FOLH1: variants seen among roughly 807,000 people sequenced by gnomAD.
The protein encoded by FOLH1 is folate hydrolase 1.
Under a neutral mutation model 93.9 loss-of-function variants are expected in FOLH1, and 54 were observed. The ratio of observed to expected loss-of-function variants is 0.57; its 90% CI spans 0.46 to 0.72. The LOEUF is 0.72. Among genes scored for constraint, FOLH1 ranks in the 30% least tolerant of loss-of-function variants. The pLI, the probability that FOLH1 is intolerant of heterozygous loss-of-function variation, is 0.00. For synonymous variants in FOLH1, 249 were observed against 303.6 expected (o/e 0.82, Z 1.87); for missense variants, 571 against 892.5 (o/e 0.64, Z 4.59).
rs10526900 is a variant in FOLH1, at chr11:49,155,795, CATATATATATATATATATAT to C, written c.1623+902_1623+921del. On this transcript the variant is annotated intron_variant, in intron 15 of 18. Transcript: ENST00000256999. ...AATTTACTTTGAAGAAAATGAAAAC[CATATATATATATATATATAT>C]ATATATATATATATATATATAATCA... Among the ~76,000 whole-genome samples, 81 of 52,106 alleles carry C rather than the reference CATATATATATATATATATAT, an allele frequency of 1.6e-3. 4 individuals carry two copies. The highest frequency in any genetic ancestry group is 7.2e-3 in the East Asian group (11 of 1,536). The allele number at this position is 52,106 out of a possible 152,430, so 34.2% of individuals were successfully genotyped here.
chr11:49,169,063 C>G, intron 12 of FOLH1, 132 bp downstream of exon 12: 1 of 948,228 alleles, frequency 1.1e-6, no homozygotes, highest in Non-Finnish European at 1.6e-6. Flanking sequence ...TACACTGCTT[C>G]CTGTCAGAGG....
intron 4 of FOLH1, among the ~76,000 whole-genome samples, chr11:49,190,942 C>A (rs1262732038): frequency 1.3e-5 from 2 of 152,140 alleles, no homozygotes; most frequent in Non-Finnish European, 2.9e-5. Flanking sequence ...TGAATGTGAT[C>A]TATTGAAGAA....
rs781660664 is a variant in FOLH1 at position 49,158,026 on chromosome 11, T to A, written c.1458A>T (p.Glu486Asp). Residue 486 changes from glutamate to aspartate, a missense_variant, in exon 14 of 19, where the codon GAA becomes GAT. Glu to Asp is a conservative substitution (Grantham distance 45). This residue lies in a region of FOLH1 where 500 missense variants were observed against 822.9 expected (regional missense o/e 0.61). Coordinates refer to ENST00000256999, the MANE Select transcript of FOLH1 (RefSeq NM_004476.3). ...CATAAAGAGATTTGCCTTCAAAGCCTTCATCAGGGCTTTTCAGCTACACAA... is the reference window on the plus strand; with the variant it reads ...CATAAAGAGATTTGCCTTCAAAGCCATCATCAGGGCTTTTCAGCTACACAA... The part of the protein sequence containing the change: ...NLTKELKSPD[E>D]GFEGKSLYES... 7 of 1,594,666 alleles carry A rather than the reference T, an allele frequency of 4.4e-6. No homozygotes were observed. In the South Asian group the frequency reaches 5.7e-5, roughly 13 times the overall value.
At chr11:49,180,767 G>A (rs1179558733) in intron 7 of FOLH1, among the ~76,000 whole-genome samples, 1 of 152,086 alleles carries the variant, frequency 6.6e-6, no homozygotes, top group Admixed American at 6.5e-5. Context: ...CACTTATATG[G>A]ACTGTTTCAT....
chr11:49,208,235 A>AGCACCGCG, intron 1 of FOLH1, 57 bp downstream of exon 1: 1 of 1,277,452 alleles, frequency 7.8e-7, no homozygotes, highest in Non-Finnish European at 1.1e-6. Context: ...CGCGAGTCCC[A>AGCACCGCG]GCACCGCGGC....
chr11:49,184,333 G>A (rs1221324375), intron 6 of FOLH1, among the ~76,000 whole-genome samples: 1 of 151,992 alleles, frequency 6.6e-6, no homozygotes, highest in Non-Finnish European at 1.5e-5. Flanking sequence ...AAAATGTATA[G>A]AGCACAAAAT....
At chr11:49,208,166 C>A in intron 1 of FOLH1, 126 bp downstream of exon 1, 2 of 709,222 alleles carry the variant, frequency 2.8e-6, no homozygotes, top group South Asian at 3.8e-5. Flanking sequence ...CACATTACCC[C>A]GACCCTAATC....
chr11:49,148,736 G>T lies in FOLH1; in HGVS notation c.1971-5C>A. On this transcript the variant is annotated splice_polypyrimidine_tract_variant and splice_region_variant and intron_variant, in intron 17 of 18. Coordinates refer to ENST00000256999, the MANE Select transcript of FOLH1 (RefSeq NM_004476.3). The stretch of plus-strand genomic sequence containing the variant: ...ATCATTCTTAATACTATTGGGCTGA[G>T]AAAGAAAATGAATATAATTATAACT... The T allele has an allele frequency of 1.3e-6, 2 of 1,550,124 alleles. No homozygotes were observed. Among genetic ancestry groups the T allele is most frequent in the Non-Finnish European group, 1.7e-6 (2 of 1,149,670 alleles).
chr11:49,199,936 T>C (rs202681), intron 3 of FOLH1, among the ~76,000 whole-genome samples: 27,699 of 151,666 alleles, frequency 0.18, 2,965 homozygotes, highest in African/African-American at 0.28. Context: ...AAAAAAAGAA[T>C]CTCTTTTATA....
intron 4 of FOLH1, among the ~76,000 whole-genome samples, chr11:49,187,856 T>C (rs1286831620): frequency 2.0e-5 from 3 of 152,224 alleles, no homozygotes; most frequent in African/African-American, 7.2e-5. Flanking sequence ...ATTCAGTGAC[T>C]GATTGATGTG....
intron 17 of FOLH1, among the ~76,000 whole-genome samples, chr11:49,152,751 C>G (rs61886481): frequency 6.6e-6 from 1 of 151,988 alleles, no homozygotes; most frequent in South Asian, 2.1e-4. Flanking sequence ...TATTAATTTT[C>G]GTATTCTGAA....
chr11:49,167,852 GA>G (rs1858603373), intron 12 of FOLH1, among the ~76,000 whole-genome samples: 1 of 146,106 alleles, frequency 6.8e-6, no homozygotes, highest in African/African-American at 2.5e-5. Context: ...AAGAAGAACA[GA>G]AACAGAAAAA....
At chr11:49,207,383 T>C (rs1376361376) in intron 1 of FOLH1, among the ~76,000 whole-genome samples, 1 of 152,236 alleles carries the variant, frequency 6.6e-6, no homozygotes, top group Non-Finnish European at 1.5e-5. Context: ...AAAAATCTTT[T>C]AACAACCCCA....
chr11:49,186,518 G>T (rs1452896579), intron 5 of FOLH1, 126 bp downstream of exon 5: 39 of 1,097,326 alleles, frequency 3.6e-5, no homozygotes, highest in Non-Finnish European at 2.6e-6. Flanking sequence ...TGTAAGGTGG[G>T]CATGTCACAG....
rs1165625911 is a variant in FOLH1 at position 49,145,229 on chromosome 11, T to C, written c.*1527A>G. On this transcript the variant is annotated 3_prime_UTR_variant, in exon 19 of 19. Transcript: ENST00000256999. ...GTTCTTCTTTGTCACGTGTTAATGATGTTAAACTTTGTGAGTAGAAGGCAT... is the reference window on the plus strand; with the variant it reads ...GTTCTTCTTTGTCACGTGTTAATGACGTTAAACTTTGTGAGTAGAAGGCAT... Among the ~76,000 whole-genome samples, 2 of 152,334 alleles carry C rather than the reference T, an allele frequency of 1.3e-5. No homozygotes were observed. The highest frequency in any genetic ancestry group is 1.9e-4 in the East Asian group (1 of 5,182).
In FOLH1 at chr11:49,145,228, A is replaced by G. The variant is rs1391510808; in HGVS notation, c.*1528T>C. ...AGTTCTTCTTTGTCACGTGTTAATG[A>G]TGTTAAACTTTGTGAGTAGAAGGCA... On this transcript the variant is annotated 3_prime_UTR_variant, in exon 19 of 19. Coordinates refer to ENST00000256999, the MANE Select transcript of FOLH1 (RefSeq NM_004476.3). Among the ~76,000 whole-genome samples, 1 of 152,146 alleles carries G rather than the reference A, an allele frequency of 6.6e-6. No individual in the cohort carries two copies. Among genetic ancestry groups the G allele is most frequent in the Non-Finnish European group, 1.5e-5 (1 of 68,024 alleles).
At position 49,146,546 on chromosome 11, in the gene FOLH1, A is replaced by G. The variant is rs954762967; in HGVS notation, c.*210T>C. 30 of 471,398 alleles carry G rather than the reference A, an allele frequency of 6.4e-5. No individual in the cohort carries two copies. The highest frequency in any genetic ancestry group is 3.3e-4 in the Admixed American group (8 of 24,274). 29.2% of individuals were successfully genotyped at this position (471,398 alleles called of 1,614,324 possible). A position where few individuals can be genotyped will look rare whatever the true frequency, so the allele number is the denominator to read the frequency against. On this transcript the variant is annotated 3_prime_UTR_variant, in exon 19 of 19. Coordinates refer to ENST00000256999, the MANE Select transcript of FOLH1 (RefSeq NM_004476.3). ...CTGAGTTAAATTTTTCCACTTCAGAATAACCTCTTATAATTATGAAATTCA... is the reference window on the plus strand; with the variant it reads ...CTGAGTTAAATTTTTCCACTTCAGAGTAACCTCTTATAATTATGAAATTCA...
chr11:49,147,446 GTT>G lies in FOLH1; in HGVS notation c.2064-503_2064-502del, dbSNP rs35148842. Among the ~76,000 whole-genome samples the G allele has an allele frequency of 4.6e-4, 70 of 150,804 alleles. 1 individual carries two copies. Among genetic ancestry groups the G allele is most frequent in the African/African-American group, 1.7e-4 (7 of 41,158 alleles). On this transcript the variant is annotated intron_variant, in intron 18 of 18. Coordinates refer to ENST00000256999, the MANE Select transcript of FOLH1 (RefSeq NM_004476.3). ...TGTGATCAGCCAACCCTCTATTGTG[GTT>G]TTTTTTTTGTCTTTTTTTAAAAAGT...
intron 3 of FOLH1, among the ~76,000 whole-genome samples, chr11:49,197,870 G>A (rs963496569): frequency 6.6e-6 from 1 of 152,090 alleles, no homozygotes; most frequent in African/African-American, 2.4e-5. Context: ...TTAACTTATA[G>A]TTGAATAATG....
Sources: gnomAD v4.1 joint callset for allele counts (sites outside exome capture counted in the v4.1 genomes callset) on GRCh38, gnomAD v4.1.1 for gene constraint, gnomAD v4.1.1 regional missense constraint, MANE v1.5 for transcripts, NCBI Gene and HGNC (gene_info 2026-07-23, HGNC 2026-07-21) for gene names.